CNGB1: variants seen among roughly 807,000 people sequenced by gnomAD.
CNGB1 encodes cyclic nucleotide gated channel subunit beta 1.
Under a neutral mutation model 151.7 loss-of-function variants are expected in CNGB1, and 126 were observed. The ratio of observed to expected loss-of-function variants is 0.83; its 90% CI spans 0.72 to 0.96. CNGB1 has a LOEUF of 0.96. CNGB1 is among the 40% of genes least tolerant of loss of function. The pLI, the probability that CNGB1 is intolerant of heterozygous loss-of-function variation, is 0.00. For synonymous variants in CNGB1, 623 were observed against 635.1 expected, an observed-to-expected ratio of 0.98 and a Z score of 0.29; for missense variants, 1,698 against 1,627.0, an observed-to-expected ratio of 1.04 and a Z score of -0.75.
chr16:57,959,656 G>A (rs1962187210), intron 10 of CNGB1, among the ~76,000 whole-genome samples: 1 of 152,192 alleles, frequency 6.6e-6, no homozygotes, highest in Non-Finnish European at 1.5e-5. Flanking sequence ...AGTATGTATA[G>A]TTTGCTCCTG....
intron 3 of CNGB1, 105 bp downstream of exon 3, chr16:57,964,382 C>T: frequency 6.8e-7 from 1 of 1,466,202 alleles, no homozygotes; most frequent in Non-Finnish European, 9.5e-7. Context: ...GTCTCAGTTT[C>T]CTCATCTGTG....
chr16:57,967,679 A>G (rs768026883), intron 1 of CNGB1, among the ~76,000 whole-genome samples: 1 of 152,146 alleles, frequency 6.6e-6, no homozygotes, highest in Non-Finnish European at 1.5e-5. Context: ...TGCACAACAG[A>G]GTGAGACCCT....
rs1025586692 is a variant in CNGB1, at chr16:57,957,217, C to G, written c.874+124G>C. Reference sequence around the variant, plus strand: ...TCAGCTCCAGCCCAGGAGACCCTAACTGCCCCCCTGTGTGAGTCCAGGTCT... The same window carrying G: ...TCAGCTCCAGCCCAGGAGACCCTAAGTGCCCCCCTGTGTGAGTCCAGGTCT... On this transcript the variant is annotated intron_variant, in intron 12 of 32. Transcript: ENST00000251102. 5 of 794,568 alleles carry G rather than the reference C, an allele frequency of 6.3e-6. No individual in the cohort carries two copies. The South Asian group carries it at 7.0e-5, about 11-fold the overall frequency. The allele number at this position is 794,568 out of a possible 1,614,324, so 49.2% of individuals were successfully genotyped here.
chr16:57,935,271 G>C (rs1961477614), intron 16 of CNGB1, among the ~76,000 whole-genome samples: 1 of 152,140 alleles, frequency 6.6e-6, no homozygotes, highest in South Asian at 2.1e-4. Flanking sequence ...TTATGCCTCT[G>C]TTTATGGCAA....
intron 3 of CNGB1, 81 bp from the exon 4 acceptor site, chr16:57,964,283 G>A: frequency 6.7e-7 from 1 of 1,502,832 alleles, no homozygotes. Context: ...TCAAGTCAGG[G>A]GAGAGGAGAG....
At chr16:57,889,708 G>A (rs1297153821) in intron 31 of CNGB1, among the ~76,000 whole-genome samples, 1 of 152,148 alleles carries the variant, frequency 6.6e-6, no homozygotes, top group African/African-American at 2.4e-5. Flanking sequence ...ATTTCCAAAT[G>A]AGGGTATAGA....
chr16:57,902,072 G>T (rs1057280985), intron 27 of CNGB1, among the ~76,000 whole-genome samples: 8 of 150,706 alleles, frequency 5.3e-5, no homozygotes, highest in Admixed American at 4.6e-4. Context: ...TGTTTTTGTT[G>T]TTGTTGTTGT....
chr16:57,935,708 G>A (rs1300480241), intron 16 of CNGB1, among the ~76,000 whole-genome samples: 3 of 152,084 alleles, frequency 2.0e-5, no homozygotes, highest in Non-Finnish European at 2.9e-5. Flanking sequence ...GCCTGTGGCG[G>A]TGGGAGCTGG....
At chr16:57,963,616 T>C (rs948205362) in intron 4 of CNGB1, among the ~76,000 whole-genome samples, 1 of 152,190 alleles carries the variant, frequency 6.6e-6, no homozygotes, top group African/African-American at 2.4e-5. Context: ...CTGAAATGTC[T>C]GAGCCAACTG....
At chr16:57,954,680 T>C (rs1962039451) in intron 12 of CNGB1, 1 of 984,710 alleles carries the variant, frequency 1.0e-6, no homozygotes, top group Non-Finnish European at 1.2e-6. Context: ...ACAGGTTTGA[T>C]GTGCTCATTT....
intron 25 of CNGB1, among the ~76,000 whole-genome samples, chr16:57,910,692 T>TTC (rs1960686042): frequency 1.6e-5 from 2 of 128,046 alleles, no homozygotes; most frequent in African/African-American, 5.7e-5. Flanking sequence ...TTTTTTTTTT[T>TTC]TTTCCCAAGC....
chr16:57,934,032 T>A (rs1596992106), intron 16 of CNGB1, among the ~76,000 whole-genome samples: 1 of 151,974 alleles, frequency 6.6e-6, no homozygotes, highest in African/African-American at 2.4e-5. Flanking sequence ...CGATATGGGG[T>A]TTTTTTCAAA....
intron 32 of CNGB1, 98 bp downstream of exon 32, chr16:57,887,757 C>T: frequency 1.7e-6 from 2 of 1,190,252 alleles, no homozygotes; most frequent in Non-Finnish European, 2.5e-6. Flanking sequence ...GGGGGAAGAC[C>T]CTAAAACTAA....
At chr16:57,928,043 G>A (rs1407738710) in intron 17 of CNGB1, among the ~76,000 whole-genome samples, 3 of 152,222 alleles carry the variant, frequency 2.0e-5, no homozygotes, top group Admixed American at 6.5e-5. Context: ...ATGGATGAGA[G>A]CAAAAATTAA....
At chr16:57,884,532 G>T in intron 32 of CNGB1, 75 bp from the exon 33 acceptor site, 1 of 1,555,702 alleles carries the variant, frequency 6.4e-7, no homozygotes, top group Non-Finnish European at 8.8e-7. Flanking sequence ...ACACCTCCCT[G>T]TTCCAGCCTT....
chr16:57,940,387 C>A, intron 14 of CNGB1, 66 bp from the exon 15 acceptor site: 4 of 1,466,578 alleles, frequency 2.7e-6, no homozygotes, highest in Non-Finnish European at 2.8e-6. Context: ...TTTCCCCAGC[C>A]CTGCTGAGGG....
intron 19 of CNGB1, among the ~76,000 whole-genome samples, chr16:57,919,753 C>T (rs915382166): frequency 2.0e-5 from 3 of 152,174 alleles, no homozygotes; most frequent in African/African-American, 7.2e-5. Context: ...ATCACAGCCT[C>T]CCTGTGCATC....
At chr16:57,933,462 C>A (rs575768010) in intron 16 of CNGB1, among the ~76,000 whole-genome samples, 1 of 152,162 alleles carries the variant, frequency 6.6e-6, no homozygotes, top group Non-Finnish European at 1.5e-5. Flanking sequence ...GGAGCCTGGA[C>A]GTGGCCCTAC....
At chr16:57,889,253 A>G (rs1567361835) in intron 31 of CNGB1, among the ~76,000 whole-genome samples, 1 of 152,092 alleles carries the variant, frequency 6.6e-6, no homozygotes, top group Non-Finnish European at 1.5e-5. Context: ...TCCTCCTGCC[A>G]TGGCCTCGCA....
Sources: gnomAD v4.1 joint callset for allele counts (sites outside exome capture counted in the v4.1 genomes callset) on GRCh38, gnomAD v4.1.1 for gene constraint, MANE v1.5 for transcripts, NCBI Gene and HGNC (gene_info 2026-07-23, HGNC 2026-07-21) for gene names.